The following FBXL14 variants were observed in gnomAD, a reference collection of about 807,000 sequenced individuals.
FBXL14 encodes F-box/LRR-repeat protein 14.
A neutral mutation model predicts 24.5 loss-of-function variants in FBXL14; 11 were observed. The ratio of observed to expected loss-of-function variants is 0.45; its 90% CI spans 0.28 to 0.74. FBXL14 has a LOEUF of 0.74. FBXL14 is among the 30% of genes least tolerant of loss of function. FBXL14 has a pLI of 0.12. For synonymous variants in FBXL14, 294 were observed against 240.4 expected, an observed-to-expected ratio of 1.22 and a Z score of -2.06; for missense variants, 384 against 545.6, an observed-to-expected ratio of 0.70 and a Z score of 2.95.
At position 1,566,817 on chromosome 12, in the gene FBXL14, T is replaced by C. The variant is rs779175648; in HGVS notation, c.1195-7A>G. 1.3e-6 allele frequency: 1 copy of C among 780,684 alleles called. No homozygotes were observed. The highest frequency in any genetic ancestry group is 2.4e-6 in the Non-Finnish European group (1 of 418,016). 48.4% of individuals were successfully genotyped at this position (780,684 alleles called of 1,614,324 possible). ...AAAAATCCCCTCGTGCCTCCTGCAG[T>C]GGGAAGAAGAAAAAGGACCATTTTG... On this transcript the variant is annotated splice_region_variant and splice_polypyrimidine_tract_variant and intron_variant, in intron 1 of 1. Transcript: ENST00000339235.
At position 1,569,717 on chromosome 12, in the gene FBXL14, G is replaced by A. The variant is rs1415403220; in HGVS notation, c.1195-2907C>T. Among the ~76,000 whole-genome samples the A allele has an allele frequency of 1.3e-5, 2 of 152,210 alleles. No individual in the cohort carries two copies. Among genetic ancestry groups the A allele is most frequent in the Admixed American group, 6.5e-5 (1 of 15,286 alleles). ...TCCCGGCACCACTTGGTTCTTTATG[G>A]CTGTTGAGCATAGCTCATCCTCGAA... On this transcript the variant is annotated intron_variant, in intron 1 of 1. Transcript: ENST00000339235. This position sits in a 1 kb window ranked among gnomAD's most constrained non-coding sequence, Gnocchi z 4.2.
chr12:1,578,350 A>G (rs959742959), intron 1 of FBXL14, among the ~76,000 whole-genome samples: 21 of 152,214 alleles, frequency 1.4e-4, no homozygotes, highest in African/African-American at 5.1e-4. Flanking sequence ...TTTTAAAACA[A>G]TGGATATTGG....
At chr12:1,576,956 C>G (rs2154437897) in intron 1 of FBXL14, among the ~76,000 whole-genome samples, 1 of 152,300 alleles carries the variant, frequency 6.6e-6, no homozygotes, top group Admixed American at 6.5e-5. Flanking sequence ...GAAACTGCTG[C>G]AATGCGTTGG....
In FBXL14 at chr12:1,593,617, C is replaced by T. The variant is rs781385652; in HGVS notation, c.450G>A (p.Leu150=). 5.0e-6 allele frequency: 8 copies of T among 1,614,086 alleles called. 1 individual carries two copies. In the African/African-American group the frequency reaches 6.7e-5, roughly 13 times the overall value. ...QYLKGLEVLE[L]GGCSNITNTG... ...TGTTGGTGATGTTGCTGCAACCTCC[C>T]AGCTCCAGCACCTCCAGGCCCTTGA... Residue 150 remains leucine, a synonymous_variant, in exon 1 of 2, where the codon CTG becomes CTA. Coordinates refer to ENST00000339235, the MANE Select transcript of FBXL14 (RefSeq NM_152441.3). The surrounding 1 kb of genome is among the most constrained non-coding windows in gnomAD (Gnocchi z 7.4).
rs972987201 is a variant in FBXL14 at position 1,567,327 on chromosome 12, A to G, written c.1195-517T>C. ...AAAATAAAAATTAAAAAAAAGGAAAAGAAAGAAAAGAAAAATTAGCTGGGC... is the reference window on the plus strand; with the variant it reads ...AAAATAAAAATTAAAAAAAAGGAAAGGAAAGAAAAGAAAAATTAGCTGGGC... On this transcript the variant is annotated intron_variant, in intron 1 of 1. Coordinates refer to ENST00000339235, the MANE Select transcript of FBXL14 (RefSeq NM_152441.3). This position sits in a 1 kb window ranked among gnomAD's most constrained non-coding sequence, Gnocchi z 4.8. Among the ~76,000 whole-genome samples, 3 of 151,956 alleles carry G rather than the reference A, an allele frequency of 2.0e-5. No homozygotes were observed. Among genetic ancestry groups the G allele is most frequent in the African/African-American group, 7.3e-5 (3 of 41,372 alleles).
At chr12:1,581,086 C>T (rs751010866) in intron 1 of FBXL14, among the ~76,000 whole-genome samples, 10 of 152,252 alleles carry the variant, frequency 6.6e-5, no homozygotes, top group Admixed American at 2.0e-4. Context: ...GTGGCCACGT[C>T]GCCTGGAATC....
chr12:1,583,180 C>G (rs1040513810), intron 1 of FBXL14, among the ~76,000 whole-genome samples: 50 of 151,912 alleles, frequency 3.3e-4, no homozygotes, highest in African/African-American at 9.2e-4. Context: ...TCCTGAAAGG[C>G]TCTCTAGAAT....
At chr12:1,588,270 TG>T (rs1286245647) in intron 1 of FBXL14, among the ~76,000 whole-genome samples, 2 of 152,210 alleles carry the variant, frequency 1.3e-5, no homozygotes, top group Non-Finnish European at 2.9e-5. Flanking sequence ...TGAAAGGTTT[TG>T]TTTGTATTCT....
chr12:1,568,298 C>T lies in FBXL14; in HGVS notation c.1195-1488G>A, dbSNP rs148759319. ...AGAGAAAACCCACCAGCCTAGAACT[C>T]TGAACCCTGCACAATTATCCTTTAA... is the stretch of plus-strand genomic sequence containing the variant. On this transcript the variant is annotated intron_variant, in intron 1 of 1. Coordinates refer to ENST00000339235, the MANE Select transcript of FBXL14 (RefSeq NM_152441.3). 7.7e-4 allele frequency among the ~76,000 whole-genome samples: 118 copies of T among 152,302 alleles called. 1 individual carries two copies. The highest frequency in any genetic ancestry group is 2.8e-3 in the African/African-American group (115 of 41,560).
Position 1,566,689 on chromosome 12 carries a change from A to G in FBXL14, c.*59T>C. The stretch of plus-strand genomic sequence containing the variant: ...GTCATCACCAGAGTGCCGGAGGCGC[A>G]GAGCGGGCAAGTCTGGAAGTTAAAG... On this transcript the variant is annotated 3_prime_UTR_variant, in exon 2 of 2. Transcript: ENST00000339235. 1 of 778,626 alleles carries G rather than the reference A, an allele frequency of 1.3e-6. No homozygotes were observed. The highest frequency in any genetic ancestry group is 2.4e-6 in the Non-Finnish European group (1 of 416,902). The allele number at this position is 778,626 out of a possible 1,614,324, so 48.2% of individuals were successfully genotyped here. A position where few individuals can be genotyped will look rare whatever the true frequency, so the allele number is the denominator to read the frequency against.
intron 1 of FBXL14, among the ~76,000 whole-genome samples, chr12:1,592,352 A>T (rs2094492434): frequency 6.6e-6 from 1 of 151,916 alleles, no homozygotes; most frequent in Admixed American, 6.6e-5. Context: ...TAAGAGGAGG[A>T]GTGATGAGAA....
At chr12:1,586,151 T>C (rs2094475947) in intron 1 of FBXL14, among the ~76,000 whole-genome samples, 1 of 151,942 alleles carries the variant, frequency 6.6e-6, no homozygotes, top group Non-Finnish European at 1.5e-5. Flanking sequence ...AGGTAGTGCA[T>C]ATTAAATAGT....
chr12:1,582,648 G>GC (rs1279022698), intron 1 of FBXL14, among the ~76,000 whole-genome samples: 2 of 152,090 alleles, frequency 1.3e-5, no homozygotes, highest in Non-Finnish European at 2.9e-5. Flanking sequence ...TTATGCACAG[G>GC]CCCCAAGTCC....
chr12:1,584,145 G>C lies in FBXL14; in HGVS notation c.1194+8728C>G, dbSNP rs547412071. The stretch of plus-strand genomic sequence containing the variant: ...GGATCACTTGAGCCCAGGAGTTGGA[G>C]ACCAGCCTAGGCAGCATAGCGAGAC... On this transcript the variant is annotated intron_variant, in intron 1 of 1. Coordinates refer to ENST00000339235, the MANE Select transcript of FBXL14 (RefSeq NM_152441.3). 7.9e-5 allele frequency among the ~76,000 whole-genome samples: 12 copies of C among 152,106 alleles called. No individual in the cohort carries two copies. The East Asian group carries it at 2.3e-3, about 29-fold the overall frequency.
intron 1 of FBXL14, among the ~76,000 whole-genome samples, chr12:1,592,076 G>A (rs915306769): frequency 6.6e-6 from 1 of 151,732 alleles, no homozygotes; most frequent in African/African-American, 2.4e-5. Context: ...ACAAACCCAA[G>A]GGCATCTTTC....
At chr12:1,587,270 G>A in intron 1 of FBXL14, 1 of 149,938 alleles carries the variant, frequency 6.7e-6, no homozygotes, top group South Asian at 2.1e-4. Context: ...AAAAATTGAA[G>A]TAGAAGAGTA....
chr12:1,586,530 CAG>C (rs2094476909), intron 1 of FBXL14, among the ~76,000 whole-genome samples: 1 of 152,086 alleles, frequency 6.6e-6, no homozygotes, highest in African/African-American at 2.4e-5. Context: ...TGAAGAGAGA[CAG>C]GGTGGTGCTT....
Position 1,579,589 on chromosome 12 carries a change from G to A in FBXL14, c.1195-12779C>T, listed in dbSNP as rs1228783226. Among the ~76,000 whole-genome samples the A allele has an allele frequency of 2.0e-5, 3 of 151,054 alleles. No homozygotes were observed. Among genetic ancestry groups the A allele is most frequent in the South Asian group, 4.2e-4 (2 of 4,780 alleles). On this transcript the variant is annotated intron_variant, in intron 1 of 1. Transcript: ENST00000339235. The surrounding 1 kb of genome is among the most constrained non-coding windows in gnomAD (Gnocchi z 4.3). Reference sequence around the variant, plus strand: ...GATCGCACCATTGCACTCCAGTCTCGGTGATAGGGTGAGACTCCATTTAAA... The same window carrying A: ...GATCGCACCATTGCACTCCAGTCTCAGTGATAGGGTGAGACTCCATTTAAA...
At position 1,579,998 on chromosome 12, in the gene FBXL14, G is replaced by A. The variant is rs1207385802; in HGVS notation, c.1194+12875C>T. ...CAGGGAAGACAAACCAGCTTCCATA[G>A]TGTACATTCTTAAAGGAAGGTTCCA... is the stretch of plus-strand genomic sequence containing the variant. On this transcript the variant is annotated intron_variant, in intron 1 of 1. Coordinates refer to ENST00000339235, the MANE Select transcript of FBXL14 (RefSeq NM_152441.3). This position sits in a 1 kb window ranked among gnomAD's most constrained non-coding sequence, Gnocchi z 4.3. Among the ~76,000 whole-genome samples, 3 of 152,230 alleles carry A rather than the reference G, an allele frequency of 2.0e-5. No homozygotes were observed. Among genetic ancestry groups the A allele is most frequent in the African/African-American group, 7.2e-5 (3 of 41,456 alleles).
Sources: gnomAD v4.1 joint callset for allele counts (sites outside exome capture counted in the v4.1 genomes callset) on GRCh38, gnomAD v4.1.1 for gene constraint, Gnocchi (gnomAD v3.1) non-coding constraint, MANE v1.5 for transcripts, NCBI Gene and HGNC (gene_info 2026-07-23, HGNC 2026-07-21) for gene names.